The following CYP4F11 variants were observed in gnomAD, a reference collection of about 807,000 sequenced individuals.
CYP4F11 encodes cytochrome P450 family 4 subfamily F member 11, also known as cytochrome P450 4F11.
CYP4F11 carries 79 observed loss-of-function variants against 62.2 expected under a neutral mutation model. The observed-to-expected ratio is 1.27, with a 90% CI of 1.06 to 1.53. CYP4F11 has a LOEUF of 1.53. Among genes scored for constraint, CYP4F11 ranks in the 40% most tolerant of loss-of-function variants. The pLI is 0.00. For synonymous variants in CYP4F11, 290 were observed against 263.7 expected, an observed-to-expected ratio of 1.10 and a Z score of -0.97; for missense variants, 777 against 680.5, an observed-to-expected ratio of 1.14 and a Z score of -1.58.
chr19:15,915,445 T>C (rs1437135420), intron 8 of CYP4F11, among the ~76,000 whole-genome samples: 1 of 152,210 alleles, frequency 6.6e-6, no homozygotes, highest in Non-Finnish European at 1.5e-5. Context: ...TTCTTCTTTT[T>C]CTGTGGCTGT....
At chr19:15,929,292 C>A (rs575538011) in intron 2 of CYP4F11, among the ~76,000 whole-genome samples, 165 bp downstream of exon 2, 1 of 152,234 alleles carries the variant, frequency 6.6e-6, no homozygotes, top group South Asian at 2.1e-4. Context: ...GAGACGCTGA[C>A]ATGGGGGGTT....
At position 15,914,784 on chromosome 19, in the gene CYP4F11, TG is replaced by T; in HGVS notation, c.1226del (p.Pro409GlnfsTer70). On this transcript the variant is annotated frameshift_variant, in exon 9 of 12. Coordinates refer to ENST00000402119, the MANE Select transcript of CYP4F11 (RefSeq NM_021187.4). LOFTEE classifies it high-confidence loss of function. ...CACCTTTGGGGATGACGCGGCCGTC[TG>T]GGAGCACAAAGTCCTGCGTGCAACA... ...SRCCTQDFVL[P>X]DGRVIPKGIV... The T allele has an allele frequency of 1.2e-6, 2 of 1,614,140 alleles. No individual in the cohort carries two copies. Among genetic ancestry groups the T allele is most frequent in the Non-Finnish European group, 1.7e-6 (2 of 1,180,010 alleles).
At chr19:15,920,553 A>G (rs1233107698) in intron 8 of CYP4F11, among the ~76,000 whole-genome samples, 1 of 152,154 alleles carries the variant, frequency 6.6e-6, no homozygotes, top group Admixed American at 6.5e-5. Context: ...ACCTTACAGG[A>G]CCCTGTGCTG....
At chr19:15,928,492 GATTA>G (rs758559723) in intron 2 of CYP4F11, among the ~76,000 whole-genome samples, 4 of 152,166 alleles carry the variant, frequency 2.6e-5, no homozygotes, top group African/African-American at 4.8e-5. Flanking sequence ...CAGTGATGTG[GATTA>G]ATTGACACCT....
intron 8 of CYP4F11, among the ~76,000 whole-genome samples, chr19:15,916,284 A>C (rs952025386): frequency 1.3e-5 from 2 of 152,172 alleles, no homozygotes; most frequent in Non-Finnish European, 2.9e-5. Context: ...AACTTACTCT[A>C]AACTTTTTTG....
chr19:15,914,465 C>T (rs779886220), intron 10 of CYP4F11, 78 bp from the exon 11 acceptor site: 227 of 1,550,182 alleles, frequency 1.5e-4, no homozygotes, highest in Non-Finnish European at 1.9e-4. Flanking sequence ...CCAAGACCCC[C>T]GGCCTTGGAG....
At chr19:15,919,451 GATGA>G (rs1484853573) in intron 8 of CYP4F11, among the ~76,000 whole-genome samples, 6 of 149,692 alleles carry the variant, frequency 4.0e-5, no homozygotes, top group Non-Finnish European at 7.4e-5. Flanking sequence ...TGGATGGATG[GATGA>G]ACGGATGGAC....
chr19:15,921,978 C>T, intron 8 of CYP4F11, 59 bp downstream of exon 8: 1 of 1,481,930 alleles, frequency 6.7e-7, no homozygotes, highest in Non-Finnish European at 8.9e-7. Flanking sequence ...CTCCCTCTGC[C>T]CACCTGAGGA....
At chr19:15,931,418 C>T (rs1202553151) in intron 1 of CYP4F11, among the ~76,000 whole-genome samples, 1 of 151,830 alleles carries the variant, frequency 6.6e-6, no homozygotes, top group Non-Finnish European at 1.5e-5. Context: ...ACCACTCCCA[C>T]AGGAGACCCT....
chr19:15,920,694 T>TGA (rs2089619046), intron 8 of CYP4F11, among the ~76,000 whole-genome samples: 1 of 152,054 alleles, frequency 6.6e-6, no homozygotes, highest in African/African-American at 2.4e-5. Flanking sequence ...CTACAACTGG[T>TGA]CCTCTCCAGT....
At position 15,934,381 on chromosome 19, in the gene CYP4F11, C is replaced by G. The variant is rs374131499; in HGVS notation, c.28G>C (p.Gly10Arg). MPQLSLSWL[G>R]LGPVAASPWL... ...GGGGATGCTGCCACGGGCCCGAGGCCCAGCCAGGACAGGCTCAGCTGCGGC... is the reference window on the plus strand; with the variant it reads ...GGGGATGCTGCCACGGGCCCGAGGCGCAGCCAGGACAGGCTCAGCTGCGGC... Residue 10 changes from glycine (G) to arginine (R), a missense_variant, in exon 1 of 12, where the codon GGC becomes CGC. Physicochemically the swap from Gly to Arg is moderately radical, Grantham distance 125. Transcript: ENST00000402119. 119 of 1,613,312 alleles carry G rather than the reference C, an allele frequency of 7.4e-5. No individual in the cohort carries two copies. The East Asian group carries it at 1.0e-3, about 14-fold the overall frequency.
chr19:15,914,781 G>C lies in CYP4F11; in HGVS notation c.1230C>G (p.Asp410Glu). 1.9e-6 allele frequency: 3 copies of C among 1,614,170 alleles called. No individual in the cohort carries two copies. Among genetic ancestry groups the C allele is most frequent in the Non-Finnish European group, 2.5e-6 (3 of 1,180,020 alleles). Residue 410 changes from aspartate (D) to glutamate (E), a missense_variant, in exon 9 of 12, where the codon GAC (aspartate) becomes GAG (glutamate). By Grantham distance (45) the Asp-to-Glu change is conservative (BLOSUM62 2). Transcript: ENST00000402119. ...GAGCACCTTTGGGGATGACGCGGCC[G>C]TCTGGGAGCACAAAGTCCTGCGTGC... ...RCCTQDFVLP[D>E]GRVIPKGIVC...
chr19:15,917,530 A>G (rs1004083524), intron 8 of CYP4F11, among the ~76,000 whole-genome samples: 2 of 152,162 alleles, frequency 1.3e-5, no homozygotes, highest in African/African-American at 4.8e-5. Context: ...TCAGAGACAG[A>G]TATGTGAATA....
At chr19:15,916,533 A>C (rs1228063634) in intron 8 of CYP4F11, among the ~76,000 whole-genome samples, 1 of 152,220 alleles carries the variant, frequency 6.6e-6, no homozygotes, top group East Asian at 1.9e-4. Context: ...GCATCTGACA[A>C]GGGACTAGTA....
rs747686082 is a variant in CYP4F11, at chr19:15,922,131, G to A, written c.1021C>T (p.Leu341=). 43 of 1,613,704 alleles carry A rather than the reference G, an allele frequency of 2.7e-5. No homozygotes were observed. The highest frequency in any genetic ancestry group is 6.6e-5 in the South Asian group (6 of 91,034). ...TCTGGGTGCTTTGCAAGGTGGTATA[G>A]GACCCAGGAGAGACCACTGGCTGTA... ...DTTASGLSWV[L]YHLAKHPEYQ... The change falls in exon 8 of 12, where the codon CTA becomes TTA. Residue 341 remains leucine (L), a synonymous_variant. Coordinates refer to ENST00000402119, the MANE Select transcript of CYP4F11 (RefSeq NM_021187.4).
upstream of CYP4F11, chr19:15,934,569 T>C (rs1396594836): frequency 1.2e-6 from 1 of 836,486 alleles, no homozygotes; most frequent in Non-Finnish European, 1.7e-6. Flanking sequence ...AGTCCAGAAA[T>C]GCCCAATGAA....
chr19:15,914,731 A>C (rs1201065215), intron 9 of CYP4F11, 31 bp downstream of exon 9: 1 of 1,613,792 alleles, frequency 6.2e-7, no homozygotes, highest in Non-Finnish European at 8.5e-7. Flanking sequence ...CTTGCTACCC[A>C]GGAGGCTCCT....
chr19:15,914,034 A>G (rs1031347079), intron 11 of CYP4F11, 125 bp from the exon 12 acceptor site: 1 of 1,252,264 alleles, frequency 8.0e-7, no homozygotes. Context: ...AGAGGGGATA[A>G]GTGTCCACAG....
Position 15,933,261 on chromosome 19 carries a change from C to T in CYP4F11, c.198+950G>A, listed in dbSNP as rs371320354. On this transcript the variant is annotated intron_variant, in intron 1 of 11. Transcript: ENST00000402119. ...GTGAGCGGGGAGAGGAATGAGTGAG[C>T]GAGGAGAGGAATGAGTGAGTGAGGA... 2.9e-3 allele frequency among the ~76,000 whole-genome samples: 29 copies of T among 9,922 alleles called. 2 individuals are homozygous for T. Among genetic ancestry groups the T allele is most frequent in the African/African-American group, 3.6e-3 (6 of 1,672 alleles). 6.5% of individuals were successfully genotyped at this position (9,922 alleles called of 152,430 possible).
Sources: allele counts gnomAD v4.1 joint callset (sites outside exome capture counted in the v4.1 genomes callset), GRCh38; gene constraint gnomAD v4.1.1; transcripts MANE v1.5; gene names NCBI Gene and HGNC (gene_info 2026-07-23, HGNC 2026-07-21).